Variants in ACSM6 observed in about 807,000 individuals in gnomAD.
The protein encoded by ACSM6 is acyl-coenzyme A synthetase ACSM6, mitochondrial.
ACSM6 carries 35 observed loss-of-function variants against 51.1 expected under a neutral mutation model. The observed-to-expected ratio is 0.69, with a 90% CI of 0.52 to 0.91. The LOEUF is 0.91. ACSM6 is among the 40% of genes least tolerant of loss of function. The pLI is 0.00. For missense variants in ACSM6, 509 were observed against 584.1 expected (o/e 0.87, Z 1.32); for synonymous variants, 172 against 207.3 (o/e 0.83, Z 1.46).
chr10:95,211,315 T>C (rs966970079), intron 5 of ACSM6, among the ~76,000 whole-genome samples: 1 of 152,236 alleles, frequency 6.6e-6, no homozygotes, highest in African/African-American at 2.4e-5. Flanking sequence ...TGGTTGAACA[T>C]GCAATGAAGT....
chr10:95,208,068 G>A (rs1050341244), intron 4 of ACSM6, among the ~76,000 whole-genome samples: 1 of 151,962 alleles, frequency 6.6e-6, no homozygotes, highest in African/African-American at 2.4e-5. Context: ...TTGAACTCAG[G>A]AGGCTGAGGT....
chr10:95,221,413 C>A (rs1239007029), intron 9 of ACSM6, among the ~76,000 whole-genome samples: 3 of 151,998 alleles, frequency 2.0e-5, no homozygotes, highest in African/African-American at 7.3e-5. Context: ...ATGGTGAAAC[C>A]CCGTCTTTAC....
At chr10:95,226,159 GTAA>G (rs981679300) in intron 10 of ACSM6, 3 of 152,176 alleles carry the variant, frequency 2.0e-5, no homozygotes, top group African/African-American at 7.2e-5. Context: ...TTTGTAATTA[GTAA>G]TAATCTGCCG....
At chr10:95,208,933 TAAAAAAAAAAAAAAAA>T (rs34370150) in intron 4 of ACSM6, among the ~76,000 whole-genome samples, 2 of 33,922 alleles carry the variant, frequency 5.9e-5, no homozygotes, top group East Asian at 9.9e-4. Flanking sequence ...CAGGGATGTT[TAAAAAAAAAAAAAAAA>T]AAAAAAAAAA....
rs542882210 is a variant in ACSM6, at chr10:95,216,919, T to A, written c.1119+1944T>A. Among the ~76,000 whole-genome samples, 13 of 152,170 alleles carry A rather than the reference T, an allele frequency of 8.5e-5. No homozygotes were observed. In the South Asian group the frequency reaches 2.7e-3, roughly 32 times the overall value. The stretch of plus-strand genomic sequence containing the variant: ...AACAAACAGTCCTGTTCCTGCAACA[T>A]GAGGATGAAAATAAGCAGGAAAGCT... On this transcript the variant is annotated intron_variant, in intron 8 of 10. Coordinates refer to ENST00000341686, the Ensembl canonical transcript of ACSM6.
At chr10:95,222,972 T>C (rs925290880) in intron 9 of ACSM6, among the ~76,000 whole-genome samples, 2 of 152,170 alleles carry the variant, frequency 1.3e-5, no homozygotes, top group African/African-American at 4.8e-5. Context: ...TCAAGTTGTA[T>C]ACATTAAATA....
exon 8 of ACSM6, chr10:95,214,933 C>T: frequency 6.4e-7 from 1 of 1,551,640 alleles, no homozygotes; most frequent in Non-Finnish European, 8.7e-7. Flanking sequence ...GGAAACGCAT[C>T]ACTAAGTTGG....
chr10:95,213,115 C>G (rs1170924462), intron 7 of ACSM6, among the ~76,000 whole-genome samples, 175 bp downstream of exon 7: 1 of 152,112 alleles, frequency 6.6e-6, no homozygotes, highest in Admixed American at 6.6e-5. Context: ...TCCCTTGCAA[C>G]TTGAAATCCA....
At chr10:95,196,419 G>A (rs1288890491) in intron 2 of ACSM6, among the ~76,000 whole-genome samples, 3 of 152,192 alleles carry the variant, frequency 2.0e-5, no homozygotes, top group South Asian at 2.1e-4. Context: ...TGCCCAAAAC[G>A]TCAGTCAGCA....
chr10:95,209,252 G>A (rs1213765522), intron 4 of ACSM6, among the ~76,000 whole-genome samples: 2 of 152,154 alleles, frequency 1.3e-5, no homozygotes, highest in African/African-American at 4.8e-5. Context: ...AAGGACCTGA[G>A]GTGGGAGCGA....
intron 4 of ACSM6, among the ~76,000 whole-genome samples, chr10:95,207,845 C>T (rs899185163): frequency 2.6e-5 from 4 of 152,098 alleles, no homozygotes; most frequent in African/African-American, 9.7e-5. Flanking sequence ...CATGGTGGCT[C>T]ATGCTTGCAA....
At chr10:95,216,168 AG>A (rs2034942066) in intron 8 of ACSM6, among the ~76,000 whole-genome samples, 1 of 152,128 alleles carries the variant, frequency 6.6e-6, no homozygotes, top group African/African-American at 2.4e-5. Context: ...TCCTGGCCTC[AG>A]GGACCTTCCC....
chr10:95,215,184 C>A (rs1473266435), intron 8 of ACSM6, among the ~76,000 whole-genome samples: 1 of 152,186 alleles, frequency 6.6e-6, no homozygotes, highest in Admixed American at 6.5e-5. Flanking sequence ...ACAGATTTCA[C>A]AACAGAAACT....
chr10:95,213,108 C>G (rs2034911335), intron 7 of ACSM6, among the ~76,000 whole-genome samples, 168 bp downstream of exon 7: 1 of 152,072 alleles, frequency 6.6e-6, no homozygotes, highest in Admixed American at 6.6e-5. Flanking sequence ...TTTTTATTCC[C>G]TTGCAACTTG....
chr10:95,228,791 T>C, exon 11 of ACSM6: 5 of 1,550,638 alleles, frequency 3.2e-6, no homozygotes, highest in Non-Finnish European at 4.4e-6. Flanking sequence ...GTGAATGCTT[T>C]GGTTATTGCT....
chr10:95,202,242 C>A, intron 3 of ACSM6, 47 bp downstream of exon 3: 1 of 1,418,152 alleles, frequency 7.1e-7, no homozygotes, highest in Non-Finnish European at 9.7e-7. Context: ...TTATGTGAAT[C>A]CCAGCCTCAG....
chr10:95,223,007 A>G (rs1327551611), intron 9 of ACSM6, among the ~76,000 whole-genome samples: 1 of 152,138 alleles, frequency 6.6e-6, no homozygotes, highest in Non-Finnish European at 1.5e-5. Flanking sequence ...CATGTCAACT[A>G]TACCTCATTA....
chr10:95,221,584 C>T (rs2034995586), intron 9 of ACSM6, among the ~76,000 whole-genome samples: 1 of 150,706 alleles, frequency 6.6e-6, no homozygotes, highest in Admixed American at 6.6e-5. Context: ...AAAACTCCAT[C>T]TCAAAAAAAA....
intron 2 of ACSM6, chr10:95,201,592 A>G (rs1187296524): frequency 4.4e-6 from 2 of 458,210 alleles, no homozygotes; most frequent in African/African-American, 4.0e-5. Context: ...TCACTTTGCT[A>G]TTGTGAATAG....
Sources: gnomAD v4.1 joint callset for allele counts (sites outside exome capture counted in the v4.1 genomes callset) on GRCh38, gnomAD v4.1.1 for gene constraint, MANE v1.5 for transcripts, NCBI Gene and HGNC (gene_info 2026-07-23, HGNC 2026-07-21) for gene names.